Variants in XIRP2 observed in about 807,000 individuals in gnomAD.
The protein encoded by XIRP2 is xin actin binding repeat containing 2.
XIRP2 carries 236 observed loss-of-function variants against 277.0 expected under a neutral mutation model. The observed-to-expected ratio is 0.85, with a 90% CI of 0.77 to 0.95. The LOEUF is 0.95. Among genes scored for constraint, XIRP2 ranks in the 40% least tolerant of loss-of-function variants. The pLI, the probability that XIRP2 is intolerant of heterozygous loss-of-function variation, is 0.00. For missense variants in XIRP2, 4,640 were observed against 4,157.5 expected (o/e 1.12, Z -3.19); for synonymous variants, 1,490 against 1,416.5 (o/e 1.05, Z -1.17).
chr2:167,097,372 CTTT>C (rs149769877), intron 2 of XIRP2, among the ~76,000 whole-genome samples: 1 of 151,614 alleles, frequency 6.6e-6, no homozygotes, highest in South Asian at 2.1e-4. Flanking sequence ...GCAACCCCTG[CTTT>C]TTTTTGTTTT....
chr2:167,152,963 T>G (rs1471615053), intron 3 of XIRP2, among the ~76,000 whole-genome samples: 1 of 152,078 alleles, frequency 6.6e-6, no homozygotes, highest in East Asian at 1.9e-4. Flanking sequence ...ATGCAAACTT[T>G]CCCCCTATTT....
intron 2 of XIRP2, among the ~76,000 whole-genome samples, chr2:167,128,720 T>A (rs1278006454): frequency 6.7e-6 from 1 of 150,148 alleles, no homozygotes. Flanking sequence ...GGAAGCTTTC[T>A]CTGACCACAT....
At chr2:167,007,693 T>TCACA (rs1413612446) in intron 2 of XIRP2, among the ~76,000 whole-genome samples, 322 of 118,356 alleles carry the variant, frequency 2.7e-3, no homozygotes, top group African/African-American at 0.011. Flanking sequence ...TCTCTCTCTC[T>TCACA]CTCTCTCTCT....
rs541451171 is a variant in XIRP2, at chr2:167,246,636, C to T, written c.5244C>T (p.Thr1748=). ...GAGGAAATGTTCAGTTTTTCACAAC[C>T]TGCATAGAAGCTGGAGCTTTGGATT... ...SERGNVQFFT[T]CIEAGALDYL... Residue 1748 remains threonine, a synonymous_variant, in exon 9 of 11, where the codon ACC becomes ACT. Transcript: ENST00000409195. 1 of 1,613,698 alleles carries T rather than the reference C, an allele frequency of 6.2e-7. No homozygotes were observed. Among genetic ancestry groups the T allele is most frequent in the African/African-American group, 1.3e-5 (1 of 74,982 alleles).
At chr2:166,940,453 G>T (rs972320340) in intron 2 of XIRP2, among the ~76,000 whole-genome samples, 2 of 152,216 alleles carry the variant, frequency 1.3e-5, no homozygotes, top group African/African-American at 4.8e-5. Context: ...ACTCTTCAAA[G>T]TCATTCTCCA....
At chr2:167,111,341 A>G (rs1002436533) in intron 2 of XIRP2, among the ~76,000 whole-genome samples, 1 of 152,154 alleles carries the variant, frequency 6.6e-6, no homozygotes, top group Non-Finnish European at 1.5e-5. Flanking sequence ...ATTTTGAAGT[A>G]TGATTCTTTC....
Position 167,250,608 on chromosome 2 carries a change from TA to T in XIRP2, c.9220del (p.Ile3074LeufsTer11), listed in dbSNP as rs755201590. The T allele has an allele frequency of 2.5e-6, 4 of 1,612,822 alleles. No individual in the cohort carries two copies. The South Asian group carries it at 4.4e-5, about 18-fold the overall frequency. On this transcript the variant is annotated frameshift_variant, in exon 9 of 11. Coordinates refer to ENST00000409195, the MANE Select transcript of XIRP2 (RefSeq NM_152381.6). LOFTEE classifies it high-confidence loss of function. The part of the protein sequence containing the change: ...NNKNSEQKEN[K>X]IAKEKTVQHQ... Reference sequence around the variant, plus strand: ...ATAAAAATAGTGAACAGAAAGAAAATAAAATTGCCAAAGAGAAAACAGTACA... The same window carrying T: ...ATAAAAATAGTGAACAGAAAGAAAATAAATTGCCAAAGAGAAAACAGTACA...
intron 3 of XIRP2, among the ~76,000 whole-genome samples, chr2:167,185,067 G>C (rs1693118285): frequency 6.6e-6 from 1 of 152,132 alleles, no homozygotes; most frequent in African/African-American, 2.4e-5. Flanking sequence ...AATGAAGAAT[G>C]AAATTTAGTG....
At chr2:166,912,092 T>G (rs1451405013) in intron 2 of XIRP2, among the ~76,000 whole-genome samples, 2 of 152,138 alleles carry the variant, frequency 1.3e-5, no homozygotes, top group Non-Finnish European at 2.9e-5. Flanking sequence ...TGTCTTGGAG[T>G]TGCTCTTCTC....
chr2:167,028,237 A>G (rs1320780771), intron 2 of XIRP2, among the ~76,000 whole-genome samples: 1 of 152,116 alleles, frequency 6.6e-6, no homozygotes, highest in Non-Finnish European at 1.5e-5. Context: ...CACAATAATC[A>G]TATGACTATT....
chr2:167,207,369 T>C (rs987135602), intron 3 of XIRP2, among the ~76,000 whole-genome samples: 1 of 152,178 alleles, frequency 6.6e-6, no homozygotes, highest in Non-Finnish European at 1.5e-5. Context: ...AGAATGTATA[T>C]TACATTGACT....
At chr2:167,213,431 C>A (rs533044457) in intron 4 of XIRP2, among the ~76,000 whole-genome samples, 1 of 152,158 alleles carries the variant, frequency 6.6e-6, no homozygotes, top group African/African-American at 2.4e-5. Flanking sequence ...CCCTATAAAC[C>A]AAGAACAGTT....
chr2:166,963,580 A>G (rs1439181792), intron 2 of XIRP2, among the ~76,000 whole-genome samples: 1 of 151,868 alleles, frequency 6.6e-6, no homozygotes, highest in Non-Finnish European at 1.5e-5. Context: ...CAGAGGTTGC[A>G]ATGTCACCAA....
intron 3 of XIRP2, among the ~76,000 whole-genome samples, chr2:167,171,097 G>T (rs1324398225): frequency 3.3e-5 from 5 of 151,458 alleles, no homozygotes; most frequent in African/African-American, 1.2e-4. Context: ...AAGGAGTTTT[G>T]CCATGTTGGC....
At chr2:167,191,173 G>A (rs1174236869) in intron 3 of XIRP2, among the ~76,000 whole-genome samples, 3 of 138,890 alleles carry the variant, frequency 2.2e-5, no homozygotes, top group African/African-American at 5.5e-5. Context: ...GTGACAGAGT[G>A]AGACCCTGTC....
rs770186934 is a variant in XIRP2, at chr2:167,250,485, G to A, written c.9093G>A (p.Gln3031=). 8 of 1,613,198 alleles carry A rather than the reference G, an allele frequency of 5.0e-6. No homozygotes were observed. The highest frequency in any genetic ancestry group is 6.8e-6 in the Non-Finnish European group (8 of 1,179,664). Residue 3031 remains glutamine, a synonymous_variant, in exon 9 of 11, where the codon CAG becomes CAA. Coordinates refer to ENST00000409195, the MANE Select transcript of XIRP2 (RefSeq NM_152381.6). ...DMLVSYENII[Q]TAMMSSKTGK... Reference sequence around the variant, plus strand: ...TTGTGTCCTATGAAAATATAATTCAGACAGCCATGATGTCCTCCAAAACAG... The same window carrying A: ...TTGTGTCCTATGAAAATATAATTCAAACAGCCATGATGTCCTCCAAAACAG...
intron 2 of XIRP2, among the ~76,000 whole-genome samples, chr2:166,932,447 C>T (rs1017950939): frequency 3.3e-5 from 5 of 152,052 alleles, no homozygotes; most frequent in Non-Finnish European, 5.9e-5. Flanking sequence ...ATCTTGGGCT[C>T]AAGCAATCCT....
At chr2:167,006,716 A>C (rs1687513365) in intron 2 of XIRP2, among the ~76,000 whole-genome samples, 1 of 151,718 alleles carries the variant, frequency 6.6e-6, no homozygotes, top group Non-Finnish European at 1.5e-5. Flanking sequence ...TCAGTAGCGG[A>C]ATAAAAAATC....
intron 3 of XIRP2, among the ~76,000 whole-genome samples, chr2:167,162,874 T>G (rs558984451): frequency 2.0e-5 from 3 of 152,252 alleles, no homozygotes; most frequent in South Asian, 4.2e-4. Context: ...TAACCATATA[T>G]CTTAGTTTTG....
Sources: allele counts gnomAD v4.1 joint callset (sites outside exome capture counted in the v4.1 genomes callset), GRCh38; gene constraint gnomAD v4.1.1; transcripts MANE v1.5; gene names NCBI Gene and HGNC (gene_info 2026-07-23, HGNC 2026-07-21).